TUSC3: variants seen among roughly 807,000 people sequenced by gnomAD.
TUSC3 encodes tumor suppressor candidate 3.
In TUSC3, 45 loss-of-function variants were observed where a neutral mutation model predicts 44.8. The ratio of observed to expected loss-of-function variants is 1.00; its 90% CI spans 0.79 to 1.29. TUSC3 has a LOEUF of 1.29. Among genes scored for constraint, TUSC3 ranks in the 50% most tolerant of loss-of-function variants. The pLI is 0.00. For synonymous variants in TUSC3, 212 were observed against 152.9 expected, an observed-to-expected ratio of 1.39 and a Z score of -2.85; for missense variants, 519 against 437.9, an observed-to-expected ratio of 1.19 and a Z score of -1.65.
intron 1 of TUSC3, among the ~76,000 whole-genome samples, chr8:15,596,242 G>A (rs1445688524): frequency 6.6e-6 from 1 of 152,106 alleles, no homozygotes; most frequent in East Asian, 1.9e-4. Flanking sequence ...TACTTTATTT[G>A]AATAATTGCT....
At chr8:15,718,918 C>T (rs1810179392) in intron 6 of TUSC3, among the ~76,000 whole-genome samples, 1 of 151,928 alleles carries the variant, frequency 6.6e-6, no homozygotes, top group Non-Finnish European at 1.5e-5. Context: ...GTCGTTCTTC[C>T]TTCAAATATG....
intron 6 of TUSC3, among the ~76,000 whole-genome samples, chr8:15,700,674 A>G (rs1809356772): frequency 6.6e-6 from 1 of 152,024 alleles, no homozygotes; most frequent in Admixed American, 6.6e-5. Context: ...CTTTGTGGTA[A>G]TTTGCTCCTA....
chr8:15,806,391 G>A, the TUSC3 span: 44 of 736,876 alleles, frequency 6.0e-5, no homozygotes, highest in East Asian at 2.6e-4. Context: ...CTCCTTCTTC[G>A]CTGCTTCTGG....
At chr8:15,630,743 T>C (rs2129167752) in intron 2 of TUSC3, among the ~76,000 whole-genome samples, 1 of 152,296 alleles carries the variant, frequency 6.6e-6, no homozygotes, top group South Asian at 2.1e-4. Context: ...CGCCAGCATA[T>C]CCTAAACTTG....
chr8:15,500,119 T>C lies in TUSC3; in HGVS notation n.189+16636T>C, dbSNP rs943403383. On this transcript the variant is annotated intron_variant and non_coding_transcript_variant, in intron 2 of 5. Transcript: ENST00000503191. Reference sequence around the variant, plus strand: ...TATTACCTTGACTGTCTTTCATTGTTGCCAACATTGACAAAGCAGGTGACC... The same window carrying C: ...TATTACCTTGACTGTCTTTCATTGTCGCCAACATTGACAAAGCAGGTGACC... 2.0e-5 allele frequency among the ~76,000 whole-genome samples: 3 copies of C among 152,204 alleles called. 1 individual carries two copies. The highest frequency in any genetic ancestry group is 4.4e-5 in the Non-Finnish European group (3 of 68,040).
At chr8:15,628,009 A>G (rs565370135) in intron 2 of TUSC3, among the ~76,000 whole-genome samples, 2 of 152,356 alleles carry the variant, frequency 1.3e-5, no homozygotes, top group South Asian at 2.1e-4. Context: ...ATCCCGTAAC[A>G]TTAAGGGATG....
the TUSC3 span, among the ~76,000 whole-genome samples, chr8:15,837,060 C>G: frequency 6.6e-6 from 1 of 152,020 alleles, no homozygotes; most frequent in African/African-American, 2.4e-5. Flanking sequence ...CTGTAAGATT[C>G]TTAAGTCACT....
At chr8:15,762,475 A>G (rs1812201887) in intron 10 of TUSC3, among the ~76,000 whole-genome samples, 1 of 152,256 alleles carries the variant, frequency 6.6e-6, no homozygotes, top group East Asian at 1.9e-4. Context: ...ATACCTAAGT[A>G]TCATAAAACT....
chr8:15,417,988 A>G (rs774675135), intron 1 of TUSC3, among the ~76,000 whole-genome samples: 1 of 152,142 alleles, frequency 6.6e-6, no homozygotes, highest in East Asian at 1.9e-4. Context: ...TGCCTGGGAA[A>G]CTCTGACACT....
chr8:15,529,788 G>GTTTT (rs35344827), intron 2 of TUSC3, among the ~76,000 whole-genome samples: 46 of 106,934 alleles, frequency 4.3e-4, no homozygotes, highest in East Asian at 1.2e-3. Flanking sequence ...CTGTGAAAAA[G>GTTTT]TTTTTTTTTT....
intron 1 of TUSC3, among the ~76,000 whole-genome samples, chr8:15,444,521 G>C (rs1308654260): frequency 6.6e-6 from 1 of 152,202 alleles, no homozygotes; most frequent in Non-Finnish European, 1.5e-5. Context: ...ATTACCTGGG[G>C]ATGGTGGAAG....
chr8:15,553,638 A>G (rs982077343), intron 1 of TUSC3, among the ~76,000 whole-genome samples: 1 of 151,746 alleles, frequency 6.6e-6, no homozygotes, highest in Non-Finnish European at 1.5e-5. Flanking sequence ...GAACGGCTTC[A>G]TTGCAGTGTT....
intron 2 of TUSC3, among the ~76,000 whole-genome samples, chr8:15,638,927 G>T (rs898720484): frequency 6.6e-6 from 1 of 151,986 alleles, no homozygotes; most frequent in Non-Finnish European, 1.5e-5. Flanking sequence ...GTTGATGCTA[G>T]ATCACGTGAT....
chr8:15,796,681 G>A, the TUSC3 span, among the ~76,000 whole-genome samples: 1 of 152,212 alleles, frequency 6.6e-6, no homozygotes, highest in African/African-American at 2.4e-5. Flanking sequence ...TTAGCCTCAG[G>A]TGACAGAAAG....
At chr8:15,641,560 A>G (rs1477640225) in intron 2 of TUSC3, among the ~76,000 whole-genome samples, 2 of 152,148 alleles carry the variant, frequency 1.3e-5, no homozygotes, top group Admixed American at 1.3e-4. Flanking sequence ...TGGGTACCCC[A>G]AGGTTTGCAT....
At chr8:15,546,215 A>G (rs574085960) in intron 1 of TUSC3, among the ~76,000 whole-genome samples, 10 of 151,850 alleles carry the variant, frequency 6.6e-5, no homozygotes, top group Non-Finnish European at 1.2e-4. Context: ...CAAACTGAGC[A>G]TGTCTGAAAG....
At chr8:15,812,740 T>G in the TUSC3 span, among the ~76,000 whole-genome samples, 18 of 101,686 alleles carry the variant, frequency 1.8e-4, no homozygotes, top group Non-Finnish European at 3.3e-4. Context: ...ATATGCCTTA[T>G]TCCATTGATT....
intron 1 of TUSC3, among the ~76,000 whole-genome samples, chr8:15,549,838 G>T (rs1801995371): frequency 6.6e-6 from 1 of 151,580 alleles, no homozygotes; most frequent in African/African-American, 2.4e-5. Context: ...TACCATGATG[G>T]TGTAGCAGGA....
the TUSC3 span, among the ~76,000 whole-genome samples, chr8:15,840,076 A>C: frequency 6.6e-6 from 1 of 152,212 alleles, no homozygotes; most frequent in South Asian, 2.1e-4. Flanking sequence ...TGTCCTTTGT[A>C]GGGACATGGA....
Sources: gnomAD v4.1 joint callset for allele counts (sites outside exome capture counted in the v4.1 genomes callset) on GRCh38, gnomAD v4.1.1 for gene constraint, MANE v1.5 for transcripts, NCBI Gene and HGNC (gene_info 2026-07-23, HGNC 2026-07-21) for gene names.